The following CALCR variants were observed in gnomAD, a reference collection of about 807,000 sequenced individuals.
CALCR encodes calcitonin receptor.
CALCR carries 47 observed loss-of-function variants against 59.5 expected under a neutral mutation model. The observed-to-expected ratio is 0.79, with a 90% CI of 0.63 to 1.01. The LOEUF (loss-of-function observed/expected upper bound fraction) is 1.01, where lower values mean the gene tolerates loss of function less well. Ranked by LOEUF, CALCR falls within the 50% of genes least tolerant of loss-of-function variation. CALCR has a pLI of 0.00. For missense variants in CALCR, 566 were observed against 597.1 expected (o/e 0.95, Z 0.54); for synonymous variants, 213 against 211.3 (o/e 1.01, Z -0.07).
At chr7:93,477,512 C>G in intron 5 of CALCR, 46 bp downstream of exon 5, 1 of 1,340,434 alleles carries the variant, frequency 7.5e-7, no homozygotes, top group Non-Finnish European at 1.1e-6. Context: ...CATGAAAACT[C>G]TAAAAGCTTC....
intron 2 of CALCR, among the ~76,000 whole-genome samples, chr7:93,497,563 T>C (rs1451292515): frequency 2.6e-5 from 4 of 151,614 alleles, no homozygotes; most frequent in Non-Finnish European, 4.4e-5. Flanking sequence ...TCAGGTGTTC[T>C]GACTCCTAGT....
rs75253068 is a variant in CALCR, at chr7:93,564,251, G to A, written c.-27+10038C>T. Among the ~76,000 whole-genome samples the A allele has an allele frequency of 3.3e-5, 5 of 151,550 alleles. No homozygotes were observed. In the South Asian group the frequency reaches 8.4e-4, roughly 25 times the overall value. ...TTTGGGAACCAAGTGGTGAATGTGT[G>A]GGGGGGGACAGAGTGCTGGTGGGCA... On this transcript the variant is annotated intron_variant, in intron 2 of 13. Transcript: ENST00000426151.
rs568975449 is a variant in CALCR, at chr7:93,466,890, T to A, written c.521+1825A>T. On this transcript the variant is annotated intron_variant, in intron 7 of 13. Transcript: ENST00000426151. ...ATAGAAATGATCGTTGAAAAAAAAA[T>A]TCTTAATTTCTTTGCTGATTTGGCT... 5.3e-5 allele frequency among the ~76,000 whole-genome samples: 8 copies of A among 151,740 alleles called. No individual in the cohort carries two copies. The East Asian group carries it at 1.4e-3, about 26-fold the overall frequency.
chr7:93,571,345 C>A (rs1398972649), intron 2 of CALCR, among the ~76,000 whole-genome samples: 2 of 152,016 alleles, frequency 1.3e-5, no homozygotes, highest in African/African-American at 4.8e-5. Flanking sequence ...TATCTTCAGG[C>A]TTAGTGCAAT....
At chr7:93,462,333 C>T (rs1029787221) in intron 7 of CALCR, among the ~76,000 whole-genome samples, 3 of 152,086 alleles carry the variant, frequency 2.0e-5, no homozygotes, top group South Asian at 2.1e-4. Context: ...CTTACACACA[C>T]GCTTCTGTGG....
At chr7:93,438,345 T>C (rs1799828651) in intron 9 of CALCR, 75 bp from the exon 10 acceptor site, 3 of 1,100,598 alleles carry the variant, frequency 2.7e-6, no homozygotes, top group African/African-American at 1.5e-5. Context: ...TGGACAATGG[T>C]AGTGTACTTG....
chr7:93,437,026 CT>C (rs56167457), intron 11 of CALCR, among the ~76,000 whole-genome samples: 1 of 148,286 alleles, frequency 6.7e-6, no homozygotes, highest in Admixed American at 6.7e-5. Flanking sequence ...ATTGTTGAAT[CT>C]TTTTTTTTAG....
chr7:93,457,321 G>A (rs1420841627), intron 8 of CALCR, among the ~76,000 whole-genome samples: 1 of 152,094 alleles, frequency 6.6e-6, no homozygotes, highest in African/African-American at 2.4e-5. Context: ...AGTGAGCAGA[G>A]CAGTTTTTGT....
At chr7:93,519,224 A>C (rs890960600) in intron 2 of CALCR, among the ~76,000 whole-genome samples, 1 of 152,002 alleles carries the variant, frequency 6.6e-6, no homozygotes, top group African/African-American at 2.4e-5. Flanking sequence ...CTTGTTTGTC[A>C]TATATCTAGA....
At chr7:93,467,818 A>AATC (rs1800471923) in intron 7 of CALCR, among the ~76,000 whole-genome samples, 1 of 151,640 alleles carries the variant, frequency 6.6e-6, no homozygotes, top group Admixed American at 6.6e-5. Flanking sequence ...TAATAATAAT[A>AATC]ATGATATCAA....
At position 93,564,755 on chromosome 7, in the gene CALCR, AT is replaced by A. The variant is rs11413086; in HGVS notation, c.-27+9533del. 9.5e-3 allele frequency among the ~76,000 whole-genome samples: 1,403 copies of A among 147,128 alleles called. 16 individuals carry two copies. Among genetic ancestry groups the A allele is most frequent in the African/African-American group, 0.031 (1,267 of 40,330 alleles). ...AGGAGTGGGCCACCACACCCAGCCA[AT>A]TTTTTTTTTTTTCCTGAAGGTAGCC... is the stretch of plus-strand genomic sequence containing the variant. On this transcript the variant is annotated intron_variant, in intron 2 of 13. Transcript: ENST00000426151.
chr7:93,435,073 C>T (rs1799743351), intron 12 of CALCR, among the ~76,000 whole-genome samples: 2 of 152,274 alleles, frequency 1.3e-5, no homozygotes, highest in African/African-American at 2.4e-5. Flanking sequence ...GGCTTTAGAT[C>T]TGGGTAAAGG....
At chr7:93,551,579 A>T (rs1336506044) in intron 2 of CALCR, among the ~76,000 whole-genome samples, 1 of 152,216 alleles carries the variant, frequency 6.6e-6, no homozygotes, top group Non-Finnish European at 1.5e-5. Context: ...CAAAAGTGAC[A>T]GGAAAAGTAA....
rs527631083 is a variant in CALCR at position 93,498,476 on chromosome 7, T to A, written c.-26-11469A>T. On this transcript the variant is annotated intron_variant, in intron 2 of 13. Coordinates refer to ENST00000426151, the MANE Select transcript of CALCR (RefSeq NM_001742.4). ...AATTTAAGAAAAAGGCATTGTAACC[T>A]CACGTATACTTTATAGTATCGGAAC... Among the ~76,000 whole-genome samples, 12 of 151,804 alleles carry A rather than the reference T, an allele frequency of 7.9e-5. No individual in the cohort carries two copies. The East Asian group carries it at 2.3e-3, about 29-fold the overall frequency.
intron 2 of CALCR, among the ~76,000 whole-genome samples, chr7:93,525,728 C>T (rs1379729992): frequency 6.6e-6 from 1 of 152,156 alleles, no homozygotes; most frequent in Non-Finnish European, 1.5e-5. Flanking sequence ...AGGATTAATT[C>T]TTAAATTGTG....
intron 6 of CALCR, among the ~76,000 whole-genome samples, chr7:93,469,442 A>C (rs10252362): frequency 0.062 from 9,343 of 151,478 alleles, 908 homozygotes; most frequent in African/African-American, 0.21. Context: ...TTTTCCTAGT[A>C]ATCACAGTCT....
intron 13 of CALCR, among the ~76,000 whole-genome samples, chr7:93,429,473 A>G (rs1172934681): frequency 6.6e-6 from 1 of 152,162 alleles, no homozygotes. Context: ...TTTCCTGATT[A>G]TATCTATTTA....
At chr7:93,487,642 T>C (rs1054861279) in intron 2 of CALCR, among the ~76,000 whole-genome samples, 5 of 151,462 alleles carry the variant, frequency 3.3e-5, no homozygotes, top group African/African-American at 9.7e-5. Context: ...CAAATGGTTT[T>C]TCATGGCTCT....
intron 8 of CALCR, among the ~76,000 whole-genome samples, chr7:93,446,710 G>A (rs1800012660): frequency 1.3e-5 from 2 of 151,914 alleles, no homozygotes; most frequent in African/African-American, 2.4e-5. Flanking sequence ...ATTCTGAGAT[G>A]GTTTCTTAAT....
Sources: gnomAD v4.1 joint callset for allele counts (sites outside exome capture counted in the v4.1 genomes callset) on GRCh38, gnomAD v4.1.1 for gene constraint, MANE v1.5 for transcripts, NCBI Gene and HGNC (gene_info 2026-07-23, HGNC 2026-07-21) for gene names.